The following MUC3A variants were observed in gnomAD, a reference collection of about 807,000 sequenced individuals.
The protein encoded by MUC3A is mucin-3A.
MUC3A carries 109 observed loss-of-function variants against 109.0 expected under a neutral mutation model. The ratio of observed to expected loss-of-function variants is 1.00; its 90% CI spans 0.86 to 1.17. The LOEUF (loss-of-function observed/expected upper bound fraction) is 1.17, where lower values mean the gene tolerates loss of function less well. Ranked by LOEUF, MUC3A falls within the 50% of genes most tolerant of loss-of-function variation. MUC3A has a pLI of 0.00. For synonymous variants in MUC3A, 1,398 were observed against 981.4 expected, an observed-to-expected ratio of 1.42 and a Z score of -7.93; for missense variants, 3,537 against 2,469.4, an observed-to-expected ratio of 1.43 and a Z score of -9.16.
chr7:100,961,249 T>C (rs991779799), intron 3 of MUC3A, among the ~76,000 whole-genome samples: 1 of 152,308 alleles, frequency 6.6e-6, no homozygotes, highest in African/African-American at 2.4e-5. Context: ...GACATTATCA[T>C]GTTAGAATTC....
chr7:100,952,002 C>T lies in MUC3A; in HGVS notation c.223C>T (p.Pro75Ser), dbSNP rs550598753. 3 of 1,598,554 alleles carry T rather than the reference C, an allele frequency of 1.9e-6. No individual in the cohort carries two copies. The highest frequency in any genetic ancestry group is 1.3e-5 in the African/African-American group (1 of 74,956). ...SPAPGHRENA[P>S]MTLTTSPHDT... Reference sequence around the variant, plus strand: ...TGCTCCTGGCCACAGGGAAAATGCACCTATGACACTCACTACCTCCCCCCA... The same window carrying T: ...TGCTCCTGGCCACAGGGAAAATGCATCTATGACACTCACTACCTCCCCCCA... Residue 75 changes from proline to serine, a missense_variant, in exon 2 of 12, where the codon CCT (proline) becomes TCT (serine). Pro to Ser is a moderately conservative substitution (Grantham distance 74). Coordinates refer to ENST00000379458, the MANE Select transcript of MUC3A (RefSeq NM_005960.2).
intron 3 of MUC3A, among the ~76,000 whole-genome samples, chr7:100,962,147 G>A (rs1479478990): frequency 1.2e-5 from 1 of 80,838 alleles, no homozygotes; most frequent in Non-Finnish European, 2.8e-5. Context: ...CGGGAGAATG[G>A]CGTGAACCCG....
Position 100,966,886 on chromosome 7 carries a change from T to C in MUC3A, c.9878-13T>C, listed in dbSNP as rs1402355106. The C allele has an allele frequency of 6.6e-7, 1 of 1,519,046 alleles. No homozygotes were observed. The highest frequency in any genetic ancestry group is 1.4e-5 in the African/African-American group (1 of 73,268). 94.1% of individuals were successfully genotyped at this position (1,519,046 alleles called of 1,614,324 possible). On this transcript the variant is annotated splice_polypyrimidine_tract_variant and intron_variant, in intron 10 of 11. Coordinates refer to ENST00000379458, the MANE Select transcript of MUC3A (RefSeq NM_005960.2). ...CTCTCCCCTTCTCTTTCTCCGCTCC[T>C]CTCTCTCTCTAGACAAGGATACAAA... is the stretch of plus-strand genomic sequence containing the variant.
chr7:100,958,590 C>T lies in MUC3A; in HGVS notation c.6811C>T (p.Pro2271Ser). 2.1e-6 allele frequency: 3 copies of T among 1,422,390 alleles called. No individual in the cohort carries two copies. 88.1% of individuals were successfully genotyped at this position (1,422,390 alleles called of 1,614,324 possible). The change falls in exon 2 of 12, where the codon CCC becomes TCC. Residue 2271 changes from proline (P) to serine (S), a missense_variant. Pro to Ser is a moderately conservative substitution (Grantham distance 74). Coordinates refer to ENST00000379458, the MANE Select transcript of MUC3A (RefSeq NM_005960.2). ...CACTGAGACCACCTCACATGATACT[C>T]CCAGCTTCACTTCTTCAATCACCAC... is the stretch of plus-strand genomic sequence containing the variant. The part of the protein sequence containing the change: ...TTTETTSHDT[P>S]SFTSSITTSE...
At chr7:100,966,191 G>T (rs948661163) in intron 8 of MUC3A, 195 bp from the exon 9 acceptor site, 9 of 579,550 alleles carry the variant, frequency 1.6e-5, no homozygotes, top group Non-Finnish European at 2.3e-5. Context: ...ATCTAAGGTG[G>T]AATCCCGCCC....
At chr7:100,962,567 T>C (rs1226688790) in intron 3 of MUC3A, among the ~76,000 whole-genome samples, 3 of 152,310 alleles carry the variant, frequency 2.0e-5, no homozygotes, top group Admixed American at 6.5e-5. Flanking sequence ...GACCACAGGC[T>C]GACCGCTATC....
At position 100,957,971 on chromosome 7, in the gene MUC3A, C is replaced by A; in HGVS notation, c.6192C>A (p.Thr2064=). ...HSTPSFTSLI[T]ITEITSHSTL... Reference sequence around the variant, plus strand: ...CTCCCAGCTTCACTTCATTGATCACCATCACCGAGATCACCTCACACAGTA... The same window carrying A: ...CTCCCAGCTTCACTTCATTGATCACAATCACCGAGATCACCTCACACAGTA... The change falls in exon 2 of 12, where the codon ACC becomes ACA. Residue 2064 remains threonine (T), a synonymous_variant. Coordinates refer to ENST00000379458, the MANE Select transcript of MUC3A (RefSeq NM_005960.2). The A allele has an allele frequency of 2.6e-6, 2 of 764,850 alleles. No individual in the cohort carries two copies. The highest frequency in any genetic ancestry group is 4.9e-5 in the East Asian group (2 of 40,934). 47.4% of individuals were successfully genotyped at this position (764,850 alleles called of 1,614,324 possible).
Position 100,965,795 on chromosome 7 carries a change from G to A in MUC3A, c.9540G>A (p.Thr3180=), listed in dbSNP as rs1363393176. 4.4e-6 allele frequency: 7 copies of A among 1,597,494 alleles called. No homozygotes were observed. The African/African-American group carries it at 9.3e-5, about 21-fold the overall frequency. ...GGCTCCGCTGTGTCACCAAATGCAC[G>A]TCGGGGGTGGACAACGCCATCGACT... is the stretch of plus-strand genomic sequence containing the variant. ...ATRLRCVTKC[T]SGVDNAIDCH... The change falls in exon 8 of 12, where the codon ACG becomes ACA. Residue 3180 remains threonine (T), a synonymous_variant. Transcript: ENST00000379458.
chr7:100,963,946 T>A, intron 5 of MUC3A, 194 bp downstream of exon 5: 1 of 734,744 alleles, frequency 1.4e-6, no homozygotes, highest in Admixed American at 2.4e-5. Flanking sequence ...GTGGCACCTC[T>A]CTTCTTCAGC....
intron 9 of MUC3A, 34 bp from the exon 10 acceptor site, chr7:100,966,618 C>G (rs765455168): frequency 6.3e-7 from 1 of 1,598,180 alleles, no homozygotes; most frequent in South Asian, 1.1e-5. Flanking sequence ...CCAGGCGGGC[C>G]GGCTCTGTCT....
In MUC3A at chr7:100,955,170, G is replaced by A; in HGVS notation, c.3391G>A (p.Ala1131Thr). ...TTCCTCTCTCCCAACCACAGAAACAGCCACGATGACTCCTACCACAACCTT... is the reference window on the plus strand; with the variant it reads ...TTCCTCTCTCCCAACCACAGAAACAACCACGATGACTCCTACCACAACCTT... Reference protein sequence around the residue: ...TSSSLPTTETATMTPTTTLIT... With the variant: ...TSSSLPTTETTTMTPTTTLIT... Residue 1131 changes from alanine to threonine, a missense_variant, in exon 2 of 12, where the codon GCC (alanine) becomes ACC (threonine). Ala to Thr is a moderately conservative substitution (Grantham distance 58). Coordinates refer to ENST00000379458, the MANE Select transcript of MUC3A (RefSeq NM_005960.2). 1 of 495,714 alleles carries A rather than the reference G, an allele frequency of 2.0e-6. No homozygotes were observed. The highest frequency in any genetic ancestry group is 2.3e-5 in the South Asian group (1 of 43,036). The allele number at this position is 495,714 out of a possible 1,614,324, so 30.7% of individuals were successfully genotyped here.
At position 100,965,324 on chromosome 7, in the gene MUC3A, G is replaced by A. The variant is rs761305012; in HGVS notation, c.9425G>A (p.Ser3142Asn). 3 of 1,598,910 alleles carry A rather than the reference G, an allele frequency of 1.9e-6. No homozygotes were observed. Among genetic ancestry groups the A allele is most frequent in the Non-Finnish European group, 2.5e-6 (3 of 1,179,658 alleles). ...KPDSIKVNNN[S>N]KTELTPAAIC... ...GACTCCATCAAGGTGAACAACAACA[G>A]CAAGACAGAGCTGACCCCGGCAGGT... is the stretch of plus-strand genomic sequence containing the variant. Residue 3142 changes from serine (S) to asparagine (N), a missense_variant, in exon 7 of 12, where the codon AGC becomes AAC. Transcript: ENST00000379458.
chr7:100,965,966 A>G (rs1459706735), intron 8 of MUC3A, 100 bp downstream of exon 8: 3 of 1,454,918 alleles, frequency 2.1e-6, no homozygotes, highest in African/African-American at 1.4e-5. Context: ...CCCTGGGCCT[A>G]CAGTGGAGCC....
chr7:100,966,437 C>T lies in MUC3A; in HGVS notation c.9663C>T (p.Ala3221=), dbSNP rs587660456. 2.2e-6 allele frequency: 3 copies of T among 1,349,224 alleles called. No individual in the cohort carries two copies. The highest frequency in any genetic ancestry group is 2.8e-5 in the East Asian group (1 of 36,184). The allele number at this position is 1,349,224 out of a possible 1,614,324, so 83.6% of individuals were successfully genotyped here. ...TCTCTGGCCCGCGCTGCGAGGTGGC[C>T]GTCCACTGGAGGGCGCTGGTCGGGG... is the stretch of plus-strand genomic sequence containing the variant. ...HWFSGPRCEV[A]VHWRALVGGL... Residue 3221 remains alanine, a synonymous_variant, in exon 9 of 12, where the codon GCC becomes GCT. Coordinates refer to ENST00000379458, the MANE Select transcript of MUC3A (RefSeq NM_005960.2).
rs1435904181 is a variant in MUC3A at position 100,967,235 on chromosome 7, G to T, written c.*73G>T. 1.9e-6 allele frequency: 3 copies of T among 1,589,424 alleles called. No homozygotes were observed. Among genetic ancestry groups the T allele is most frequent in the Non-Finnish European group, 2.6e-6 (3 of 1,174,132 alleles). On this transcript the variant is annotated 3_prime_UTR_variant, in exon 12 of 12. Coordinates refer to ENST00000379458, the MANE Select transcript of MUC3A (RefSeq NM_005960.2). ...AGGGTCTGCATTGCGTCCATTTCAA[G>T]AGGTGGCCCCAGGACGCGGGCAGCC...
At chr7:100,963,888 T>A in intron 5 of MUC3A, 136 bp downstream of exon 5, 2 of 1,281,720 alleles carry the variant, frequency 1.6e-6, no homozygotes, top group Non-Finnish European at 2.2e-6. Flanking sequence ...AATCACTCCC[T>A]GGGTATTTTT....
Position 100,952,417 on chromosome 7 carries a change from C to T in MUC3A, c.638C>T (p.Thr213Ile). ...VTPSSVSATD[T>I]TFHTTISSTT... Reference sequence around the variant, plus strand: ...CCCTCCTCTGTGTCAGCCACAGACACAACCTTCCACACTACAATCTCGTCT... The same window carrying T: ...CCCTCCTCTGTGTCAGCCACAGACATAACCTTCCACACTACAATCTCGTCT... Residue 213 changes from threonine (T) to isoleucine (I), a missense_variant, in exon 2 of 12, where the codon ACA becomes ATA. By Grantham distance (89) the Thr-to-Ile change is moderately conservative. Transcript: ENST00000379458. 1 of 1,598,584 alleles carries T rather than the reference C, an allele frequency of 6.3e-7. No homozygotes were observed. The highest frequency in any genetic ancestry group is 1.1e-5 in the South Asian group (1 of 91,092).
In MUC3A at chr7:100,966,400, A is replaced by T; in HGVS notation, c.9626A>T (p.Asp3209Val). Residue 3209 changes from aspartate to valine, a missense_variant, in exon 9 of 12, where the codon GAC (aspartate) becomes GTC (valine). Physicochemically the swap from Asp to Val is radical, Grantham distance 152 (BLOSUM62 -3). Transcript: ENST00000379458. The stretch of plus-strand genomic sequence containing the variant: ...ATCTCCCGCAGCTGCTACTCCACCG[A>T]CACGCACTGGTTCTCTGGCCCGCGC... ...SGPTCRCYST[D>V]THWFSGPRCE... is the part of the protein sequence containing the mutation. The T allele has an allele frequency of 7.4e-7, 1 of 1,343,668 alleles. No individual in the cohort carries two copies. Among genetic ancestry groups the T allele is most frequent in the Non-Finnish European group, 9.5e-7 (1 of 1,053,686 alleles). The allele number at this position is 1,343,668 out of a possible 1,614,324, so 83.2% of individuals were successfully genotyped here. A position where few individuals can be genotyped will look rare whatever the true frequency, so the allele number is the denominator to read the frequency against.
rs758095201 is a variant in MUC3A, at chr7:100,960,312, A to C, written c.8533A>C (p.Asn2845His). ...MPESESSISP[N>H]ASSSTGTGTV... Reference sequence around the variant, plus strand: ...AGAAAGTGAGTCCAGCATCTCACCCAATGCTTCCAGTTCCACTGGCACTGG... The same window carrying C: ...AGAAAGTGAGTCCAGCATCTCACCCCATGCTTCCAGTTCCACTGGCACTGG... Residue 2845 changes from asparagine to histidine, a missense_variant, in exon 2 of 12, where the codon AAT becomes CAT. Physicochemically the swap from Asn to His is moderately conservative, Grantham distance 68. Transcript: ENST00000379458. 1.3e-5 allele frequency: 20 copies of C among 1,598,426 alleles called. No individual in the cohort carries two copies. The highest frequency in any genetic ancestry group is 1.7e-5 in the Admixed American group (1 of 60,014).
Sources: allele counts gnomAD v4.1 joint callset (sites outside exome capture counted in the v4.1 genomes callset), GRCh38; gene constraint gnomAD v4.1.1; transcripts MANE v1.5; gene names NCBI Gene and HGNC (gene_info 2026-07-23, HGNC 2026-07-21).